Variants in SLC27A6 observed in about 807,000 individuals in gnomAD.
SLC27A6 encodes solute carrier family 27 member 6.
A neutral mutation model predicts 63.9 loss-of-function variants in SLC27A6; 74 were observed. The observed-to-expected ratio is 1.16, with a 90% confidence interval of 0.96 to 1.40. SLC27A6 has a LOEUF of 1.40. Ranked by LOEUF, SLC27A6 falls within the 40% of genes most tolerant of loss-of-function variation. The pLI, the probability that SLC27A6 is intolerant of heterozygous loss-of-function variation, is 0.00. For synonymous variants in SLC27A6, 287 were observed against 260.8 expected, an observed-to-expected ratio of 1.10 and a Z score of -0.97; for missense variants, 794 against 732.9, an observed-to-expected ratio of 1.08 and a Z score of -0.96.
At chr5:129,011,643 C>T (rs958927502) in intron 4 of SLC27A6, among the ~76,000 whole-genome samples, 8 of 152,140 alleles carry the variant, frequency 5.3e-5, no homozygotes, top group African/African-American at 1.4e-4. Flanking sequence ...GTTCCCTCTC[C>T]CCACACATCC....
At chr5:129,017,304 C>T (rs950810252) in intron 5 of SLC27A6, among the ~76,000 whole-genome samples, 1 of 151,824 alleles carries the variant, frequency 6.6e-6, no homozygotes, top group African/African-American at 2.4e-5. Context: ...AGATAACCTC[C>T]TATATATTTG....
At chr5:129,016,604 C>A (rs1013306109) in intron 5 of SLC27A6, among the ~76,000 whole-genome samples, 1 of 151,454 alleles carries the variant, frequency 6.6e-6, no homozygotes, top group Admixed American at 6.6e-5. Context: ...CTCATATCAC[C>A]ATAATGATGC....
chr5:128,983,209 G>GA lies in SLC27A6; in HGVS notation c.482-1918dup, dbSNP rs560438395. ...TTGTGATTATTTTAAAATTTTTCCT[G>GA]AAAAAATTAGAAAAAATATAATTGC... On this transcript the variant is annotated intron_variant, in intron 1 of 9. Transcript: ENST00000262462. Among the ~76,000 whole-genome samples the GA allele has an allele frequency of 3.9e-3, 586 of 148,914 alleles. 4 individuals carry two copies. The highest frequency in any genetic ancestry group is 5.0e-3 in the Non-Finnish European group (338 of 67,356).
In SLC27A6 at chr5:128,985,423, A is replaced by G; in HGVS notation, c.685+87A>G. On this transcript the variant is annotated intron_variant, in intron 2 of 9. Transcript: ENST00000262462. ...GGGCAAATTTCTACCATGTGTAGTG[A>G]CCAACCATCTGAGAATGCATGCTTG... is the stretch of plus-strand genomic sequence containing the variant. The G allele has an allele frequency of 2.9e-6, 3 of 1,043,068 alleles. No individual in the cohort carries two copies. In the South Asian group the frequency reaches 4.2e-5, roughly 15 times the overall value. 64.6% of individuals were successfully genotyped at this position (1,043,068 alleles called of 1,614,324 possible).
intron 1 of SLC27A6, among the ~76,000 whole-genome samples, chr5:128,976,297 T>A (rs1237300622): frequency 6.6e-6 from 1 of 152,094 alleles, no homozygotes; most frequent in East Asian, 1.9e-4. Flanking sequence ...TCACCTGAGG[T>A]CAGGAGTTCG....
intron 1 of SLC27A6, among the ~76,000 whole-genome samples, chr5:128,980,443 A>G (rs888634893): frequency 1.3e-5 from 2 of 152,206 alleles, no homozygotes; most frequent in Admixed American, 6.5e-5. Flanking sequence ...TGAAAATCCT[A>G]TACTCTAGGG....
chr5:128,991,382 G>C (rs368025436), intron 4 of SLC27A6, among the ~76,000 whole-genome samples: 3 of 152,204 alleles, frequency 2.0e-5, no homozygotes, highest in East Asian at 3.9e-4. Context: ...ACAAAGATGC[G>C]TGCAATACCC....
chr5:128,976,060 CCAAA>C (rs1750366304), intron 1 of SLC27A6, among the ~76,000 whole-genome samples: 2 of 151,744 alleles, frequency 1.3e-5, no homozygotes, highest in East Asian at 3.9e-4. Context: ...AAACAAAAAG[CCAAA>C]CAGTCTATTC....
chr5:129,032,150 C>T (rs1166641942), intron 9 of SLC27A6, among the ~76,000 whole-genome samples: 1 of 151,938 alleles, frequency 6.6e-6, no homozygotes, highest in East Asian at 1.9e-4. Flanking sequence ...TCTTTAATGT[C>T]TCATAGCACT....
intron 7 of SLC27A6, 36 bp from the exon 8 acceptor site, chr5:129,028,309 A>C: frequency 7.4e-7 from 1 of 1,354,604 alleles, no homozygotes; most frequent in South Asian, 1.2e-5. Context: ...TTTCAAATAC[A>C]GGTGCACTAA....
chr5:129,007,580 TAAA>T (rs948949424), intron 4 of SLC27A6, among the ~76,000 whole-genome samples: 4 of 151,724 alleles, frequency 2.6e-5, no homozygotes, highest in Admixed American at 2.6e-4. Context: ...TGGTTAAAAA[TAAA>T]AAGAAATTAA....
chr5:128,975,427 A>G (rs1026846807), intron 1 of SLC27A6, among the ~76,000 whole-genome samples: 1 of 152,230 alleles, frequency 6.6e-6, no homozygotes, highest in East Asian at 1.9e-4. Context: ...GTGTACCTAC[A>G]CGAACCTAGA....
At chr5:129,025,056 C>T (rs571659341) in intron 6 of SLC27A6, among the ~76,000 whole-genome samples, 2 of 152,238 alleles carry the variant, frequency 1.3e-5, no homozygotes, top group Non-Finnish European at 2.9e-5. Context: ...CTATTTCTTA[C>T]AATTATAGTA....
Position 129,033,332 on chromosome 5 carries a change from G to C in SLC27A6, c.*50G>C, listed in dbSNP as rs778575821. 5 of 1,142,538 alleles carry C rather than the reference G, an allele frequency of 4.4e-6. No individual in the cohort carries two copies. Among genetic ancestry groups the C allele is most frequent in the Admixed American group, 4.9e-5 (2 of 40,484 alleles). 70.8% of individuals were successfully genotyped at this position (1,142,538 alleles called of 1,614,324 possible). ...ATGCTTTCTTAGGAAGAGTGAGAGGGGGGTATATGATTCTTTATGAAATGG... is the reference window on the plus strand; with the variant it reads ...ATGCTTTCTTAGGAAGAGTGAGAGGCGGGTATATGATTCTTTATGAAATGG... On this transcript the variant is annotated 3_prime_UTR_variant, in exon 10 of 10. Coordinates refer to ENST00000262462, the MANE Select transcript of SLC27A6 (RefSeq NM_001017372.3).
intron 8 of SLC27A6, among the ~76,000 whole-genome samples, chr5:129,029,091 T>C: frequency 6.6e-6 from 1 of 152,126 alleles, no homozygotes; most frequent in African/African-American, 2.4e-5. Flanking sequence ...TTCCAGGACA[T>C]TCTGACCCCT....
intron 4 of SLC27A6, among the ~76,000 whole-genome samples, chr5:128,993,699 A>C (rs1315518601): frequency 6.6e-6 from 1 of 152,180 alleles, no homozygotes; most frequent in African/African-American, 2.4e-5. Flanking sequence ...GAAATGAAAT[A>C]TTCTTTTTAA....
At chr5:128,970,614 T>C (rs1236081833) in intron 1 of SLC27A6, among the ~76,000 whole-genome samples, 1 of 152,164 alleles carries the variant, frequency 6.6e-6, no homozygotes, top group African/African-American at 2.4e-5. Flanking sequence ...ATCCCCTTTA[T>C]CATTTTTTAT....
intron 1 of SLC27A6, among the ~76,000 whole-genome samples, chr5:128,971,004 T>G (rs1434435596): frequency 1.3e-5 from 2 of 152,230 alleles, no homozygotes; most frequent in Admixed American, 6.5e-5. Context: ...TCTGCCTTCA[T>G]TTCGTTATTT....
intron 5 of SLC27A6, among the ~76,000 whole-genome samples, chr5:129,020,638 A>G (rs536929305): frequency 1.6e-4 from 24 of 152,204 alleles, no homozygotes; most frequent in Non-Finnish European, 2.5e-4. Context: ...TTCTTTAACC[A>G]TTTTCATAAG....
Sources: gnomAD v4.1 joint callset for allele counts (sites outside exome capture counted in the v4.1 genomes callset) on GRCh38, gnomAD v4.1.1 for gene constraint, MANE v1.5 for transcripts, NCBI Gene and HGNC (gene_info 2026-07-23, HGNC 2026-07-21) for gene names.